The following CDH9 variants were observed in gnomAD, a reference collection of about 807,000 sequenced individuals.
The protein encoded by CDH9 is cadherin-9.
Under a neutral mutation model 70.9 loss-of-function variants are expected in CDH9, and 28 were observed. That is an observed-to-expected ratio of 0.40 (90% confidence interval 0.29 to 0.54). The LOEUF is 0.54. Ranked by LOEUF, CDH9 falls within the 20% of genes least tolerant of loss-of-function variation. CDH9 has a pLI of 0.59. For synonymous variants in CDH9, 409 were observed against 343.1 expected, an observed-to-expected ratio of 1.19 and a Z score of -2.12; for missense variants, 874 against 984.4, an observed-to-expected ratio of 0.89 and a Z score of 1.50.
chr5:27,001,641 G>A (rs1367872905), intron 1 of CDH9, among the ~76,000 whole-genome samples: 1 of 151,976 alleles, frequency 6.6e-6, no homozygotes, highest in African/African-American at 2.4e-5. Context: ...TACTCTGTCA[G>A]CTGAGATAGC....
chr5:26,902,243 G>C (rs1740867579), intron 7 of CDH9, among the ~76,000 whole-genome samples: 1 of 151,852 alleles, frequency 6.6e-6, no homozygotes, highest in Admixed American at 6.6e-5. Context: ...CTTGTACCCA[G>C]AGCATTTCAA....
chr5:26,925,640 ATG>A (rs1471281974), intron 2 of CDH9, among the ~76,000 whole-genome samples: 1 of 152,098 alleles, frequency 6.6e-6, no homozygotes, highest in Non-Finnish European at 1.5e-5. Flanking sequence ...TATGTCCTAA[ATG>A]GTATTGCCTA....
chr5:26,968,580 T>C (rs567654511), intron 2 of CDH9, among the ~76,000 whole-genome samples: 100 of 152,250 alleles, frequency 6.6e-4, no homozygotes, highest in African/African-American at 2.3e-3. Flanking sequence ...AAATGAATAG[T>C]TATTATCTCA....
At chr5:27,023,917 T>C (rs1482700416) in intron 1 of CDH9, among the ~76,000 whole-genome samples, 2 of 151,896 alleles carry the variant, frequency 1.3e-5, no homozygotes, top group South Asian at 4.2e-4. Context: ...CTGGGCATGG[T>C]GGTGGGCACC....
chr5:27,035,547 C>T (rs900716800), intron 1 of CDH9, among the ~76,000 whole-genome samples: 3 of 151,624 alleles, frequency 2.0e-5, no homozygotes, highest in African/African-American at 4.8e-5. Flanking sequence ...ATGCTTTCTT[C>T]TTCTTTAAGA....
At chr5:26,963,672 G>C (rs571654757) in intron 2 of CDH9, among the ~76,000 whole-genome samples, 1 of 151,996 alleles carries the variant, frequency 6.6e-6, no homozygotes, top group East Asian at 1.9e-4. Flanking sequence ...AATTCAAATG[G>C]ACCCTTACCA....
intron 2 of CDH9, among the ~76,000 whole-genome samples, chr5:26,954,420 T>C (rs1367877656): frequency 2.6e-5 from 3 of 113,864 alleles, no homozygotes; most frequent in Admixed American, 1.2e-4. Context: ...AGTCTCGCTC[T>C]GTTGCCCAGG....
intron 2 of CDH9, among the ~76,000 whole-genome samples, chr5:26,938,638 A>G (rs1332010271): frequency 6.6e-6 from 1 of 152,162 alleles, no homozygotes; most frequent in African/African-American, 2.4e-5. Context: ...ATTTGCACAT[A>G]TATGTCAATG....
chr5:26,886,746 A>C (rs939051891), intron 9 of CDH9, among the ~76,000 whole-genome samples: 6 of 152,156 alleles, frequency 3.9e-5, no homozygotes, highest in Non-Finnish European at 8.8e-5. Context: ...AAATTAGAGC[A>C]CCTCTTGGCT....
chr5:26,926,479 A>G (rs1403077371), intron 2 of CDH9, among the ~76,000 whole-genome samples: 2 of 152,112 alleles, frequency 1.3e-5, no homozygotes, highest in East Asian at 1.9e-4. Flanking sequence ...ATGCTCATGG[A>G]TAGGAAGAAT....
In CDH9 at chr5:26,880,662, A is replaced by G. The variant is rs1239938999; in HGVS notation, c.*474T>C. 1 of 152,538 alleles carries G rather than the reference A, an allele frequency of 6.6e-6. No individual in the cohort carries two copies. The highest frequency in any genetic ancestry group is 2.4e-5 in the African/African-American group (1 of 41,444). 9.4% of individuals were successfully genotyped at this position (152,538 alleles called of 1,614,324 possible). On this transcript the variant is annotated 3_prime_UTR_variant, in exon 12 of 12. Transcript: ENST00000231021. Reference sequence around the variant, plus strand: ...AATATAAATATACATTTATAAAAATATGAATGAATTAACACAAAGACATTC... The same window carrying G: ...AATATAAATATACATTTATAAAAATGTGAATGAATTAACACAAAGACATTC...
At chr5:27,019,868 C>A (rs766198901) in intron 1 of CDH9, among the ~76,000 whole-genome samples, 3 of 151,660 alleles carry the variant, frequency 2.0e-5, no homozygotes, top group African/African-American at 7.3e-5. Flanking sequence ...TCTTAATATT[C>A]GTCTACCACA....
At chr5:26,975,817 G>T (rs1742295156) in intron 2 of CDH9, among the ~76,000 whole-genome samples, 2 of 152,136 alleles carry the variant, frequency 1.3e-5, no homozygotes, top group Admixed American at 6.6e-5. Context: ...CCCTCTGAGG[G>T]TAATTCCCAG....
intron 7 of CDH9, among the ~76,000 whole-genome samples, chr5:26,893,370 C>T (rs1226348396): frequency 6.6e-6 from 1 of 152,132 alleles, no homozygotes; most frequent in East Asian, 1.9e-4. Context: ...TACTTGGTCT[C>T]AGGTTTTACC....
chr5:26,896,226 G>A (rs541131324), intron 7 of CDH9, among the ~76,000 whole-genome samples: 6 of 151,638 alleles, frequency 4.0e-5, no homozygotes, highest in Non-Finnish European at 8.8e-5. Flanking sequence ...TTAAACACTG[G>A]GAAGCAAGTT....
chr5:26,972,357 C>T (rs1185363448), intron 2 of CDH9, among the ~76,000 whole-genome samples: 1 of 152,122 alleles, frequency 6.6e-6, no homozygotes, highest in Non-Finnish European at 1.5e-5. Context: ...AAGGCAGAGA[C>T]ATCAATAATA....
intron 2 of CDH9, among the ~76,000 whole-genome samples, chr5:26,975,800 A>G (rs1218828421): frequency 1.3e-5 from 2 of 152,194 alleles, no homozygotes; most frequent in Non-Finnish European, 2.9e-5. Context: ...TATCATAACC[A>G]GGCTTTCCCT....
intron 3 of CDH9, among the ~76,000 whole-genome samples, chr5:26,914,422 A>G (rs1741113487): frequency 6.6e-6 from 1 of 151,984 alleles, no homozygotes; most frequent in African/African-American, 2.4e-5. Context: ...TGCAACTAAG[A>G]TACTAAAAAA....
chr5:26,914,487 G>A (rs552021988), intron 3 of CDH9, among the ~76,000 whole-genome samples: 1 of 152,038 alleles, frequency 6.6e-6, no homozygotes, highest in East Asian at 1.9e-4. Flanking sequence ...TGATTTCACA[G>A]GACTCCTGTC....
Sources: allele counts gnomAD v4.1 joint callset (sites outside exome capture counted in the v4.1 genomes callset), GRCh38; gene constraint gnomAD v4.1.1; transcripts MANE v1.5; gene names NCBI Gene and HGNC (gene_info 2026-07-23, HGNC 2026-07-21).